The following KCNH8 variants were observed in gnomAD, a reference collection of about 807,000 sequenced individuals.
KCNH8 encodes the protein potassium voltage-gated channel subfamily H member 8.
A neutral mutation model predicts 103.6 loss-of-function variants in KCNH8; 70 were observed. The ratio of observed to expected loss-of-function variants is 0.68; its 90% CI spans 0.56 to 0.82. KCNH8 has a LOEUF of 0.82. KCNH8 is among the 40% of genes least tolerant of loss of function. The pLI, the probability that KCNH8 is intolerant of heterozygous loss-of-function variation, is 0.00. For synonymous variants in KCNH8, 498 were observed against 489.4 expected, an observed-to-expected ratio of 1.02 and a Z score of -0.23; for missense variants, 1,217 against 1,329.9, an observed-to-expected ratio of 0.92 and a Z score of 1.32.
intron 3 of KCNH8, among the ~76,000 whole-genome samples, chr3:19,298,588 A>G (rs2065024141): frequency 6.6e-6 from 1 of 152,254 alleles, no homozygotes; most frequent in South Asian, 2.1e-4. Context: ...AAGTTGCTGC[A>G]TAAAATAAAA....
At chr3:19,480,764 C>CT (rs1199953380) in intron 11 of KCNH8, among the ~76,000 whole-genome samples, 1 of 152,182 alleles carries the variant, frequency 6.6e-6, no homozygotes, top group African/African-American at 2.4e-5. Flanking sequence ...ATTTGTTTTG[C>CT]TTTTTTTGTT....
intron 1 of KCNH8, among the ~76,000 whole-genome samples, chr3:19,183,614 C>T (rs1174967043): frequency 6.6e-6 from 1 of 152,012 alleles, no homozygotes; most frequent in Non-Finnish European, 1.5e-5. Flanking sequence ...TTTACAAATG[C>T]CATTAAATTA....
At chr3:19,509,525 TGGTA>T in intron 11 of KCNH8, among the ~76,000 whole-genome samples, 1 of 152,298 alleles carries the variant, frequency 6.6e-6, no homozygotes, top group African/African-American at 2.4e-5. Flanking sequence ...TTTATAATCA[TGGTA>T]GGTGCATGTT....
chr3:19,501,504 T>A (rs1294976820), intron 11 of KCNH8, among the ~76,000 whole-genome samples: 1 of 151,950 alleles, frequency 6.6e-6, no homozygotes, highest in African/African-American at 2.4e-5. Flanking sequence ...TATCCCTGAT[T>A]AACACTGATG....
intron 11 of KCNH8, among the ~76,000 whole-genome samples, chr3:19,502,735 T>G (rs1400262534): frequency 6.7e-6 from 1 of 149,942 alleles, no homozygotes; most frequent in Non-Finnish European, 1.5e-5. Flanking sequence ...TGTAGAAAGC[T>G]GAAACTGGAT....
At chr3:19,487,750 C>T (rs940462349) in intron 11 of KCNH8, among the ~76,000 whole-genome samples, 1 of 152,172 alleles carries the variant, frequency 6.6e-6, no homozygotes, top group Non-Finnish European at 1.5e-5. Flanking sequence ...GTAACTTTAG[C>T]TGTAAAGAGC....
chr3:19,284,917 A>G, intron 3 of KCNH8, among the ~76,000 whole-genome samples: 1 of 151,022 alleles, frequency 6.6e-6, no homozygotes, highest in East Asian at 1.9e-4. Context: ...GAAAGAAAGA[A>G]AAGAAAAGAA....
At chr3:19,419,442 C>T (rs866173666) in intron 7 of KCNH8, among the ~76,000 whole-genome samples, 2 of 151,680 alleles carry the variant, frequency 1.3e-5, no homozygotes, top group African/African-American at 2.4e-5. Context: ...CCTCGTGATC[C>T]GCCCGCCTCG....
intron 2 of KCNH8, among the ~76,000 whole-genome samples, chr3:19,258,939 C>CTATATATATA (rs1157867394): frequency 5.4e-5 from 4 of 74,100 alleles, no homozygotes; most frequent in African/African-American, 1.7e-4. Flanking sequence ...CTCTCTCTCT[C>CTATATATATA]TCTCTCTCTA....
intron 2 of KCNH8, among the ~76,000 whole-genome samples, chr3:19,270,489 G>A (rs968895906): frequency 1.3e-5 from 2 of 152,126 alleles, no homozygotes; most frequent in Non-Finnish European, 2.9e-5. Flanking sequence ...GCAGGTGTCT[G>A]GTGAGTAACG....
chr3:19,477,023 T>G (rs982456985), intron 11 of KCNH8, among the ~76,000 whole-genome samples: 1 of 152,078 alleles, frequency 6.6e-6, no homozygotes, highest in East Asian at 1.9e-4. Context: ...GAAAGAAAAA[T>G]ATGGAATGCC....
At position 19,347,888 on chromosome 3, in the gene KCNH8, T is replaced by C; in HGVS notation, c.734T>C (p.Phe245Ser). 6.2e-7 allele frequency: 1 copy of C among 1,613,412 alleles called. No individual in the cohort carries two copies. The highest frequency in any genetic ancestry group is 8.5e-7 in the Non-Finnish European group (1 of 1,179,492). The change falls in exon 5 of 16, where the codon TTT becomes TCT. Residue 245 changes from phenylalanine to serine, a missense_variant. Physicochemically the swap from Phe to Ser is radical, Grantham distance 155 (BLOSUM62 -2). This residue lies in a region of KCNH8 where 415 missense variants were observed against 577.4 expected (regional missense o/e 0.72). Transcript: ENST00000328405. ...VAVTVPYNVCFIGNDDLSTTR... is the reference protein window; with the variant it reads ...VAVTVPYNVCSIGNDDLSTTR... ...GTGACTGTACCTTACAACGTTTGCT[T>C]TATTGGCAATGACGACCTGTCCACA... is the stretch of plus-strand genomic sequence containing the variant.
intron 11 of KCNH8, among the ~76,000 whole-genome samples, chr3:19,487,881 A>G (rs1002971488): frequency 2.3e-4 from 35 of 152,314 alleles, no homozygotes; most frequent in African/African-American, 7.9e-4. Flanking sequence ...ACCACCCAGC[A>G]GGTCCGTGGT....
At chr3:19,231,327 G>A (rs1045487799) in intron 1 of KCNH8, among the ~76,000 whole-genome samples, 3 of 152,144 alleles carry the variant, frequency 2.0e-5, no homozygotes, top group African/African-American at 7.2e-5. Flanking sequence ...ATTCACTAGT[G>A]TAGTGTCCTT....
chr3:19,149,515 AATAG>A (rs372430646), intron 1 of KCNH8, among the ~76,000 whole-genome samples: 19 of 152,274 alleles, frequency 1.2e-4, no homozygotes, highest in South Asian at 4.1e-4. Flanking sequence ...TAGGAAAAAA[AATAG>A]ATAGGATGTT....
At chr3:19,249,253 A>G (rs2064245960) in intron 1 of KCNH8, among the ~76,000 whole-genome samples, 1 of 152,154 alleles carries the variant, frequency 6.6e-6, no homozygotes, top group South Asian at 2.1e-4. Flanking sequence ...GGATTCCAGG[A>G]CTGGGATTCA....
chr3:19,462,553 G>C (rs2067654796), intron 11 of KCNH8, among the ~76,000 whole-genome samples: 1 of 152,078 alleles, frequency 6.6e-6, no homozygotes, highest in Non-Finnish European at 1.5e-5. Context: ...CCTTTGTCAG[G>C]TGGGTAGATG....
chr3:19,349,994 G>C (rs1425772531), intron 5 of KCNH8, among the ~76,000 whole-genome samples: 1 of 152,062 alleles, frequency 6.6e-6, no homozygotes, highest in Non-Finnish European at 1.5e-5. Context: ...AGCAGTTCTA[G>C]TGTGACTCCT....
chr3:19,271,149 G>T (rs2064582225), intron 2 of KCNH8, among the ~76,000 whole-genome samples: 1 of 151,988 alleles, frequency 6.6e-6, no homozygotes, highest in Non-Finnish European at 1.5e-5. Context: ...AACATGTGTT[G>T]AAATGCACTG....
Sources: allele counts gnomAD v4.1 joint callset (sites outside exome capture counted in the v4.1 genomes callset), GRCh38; gene constraint gnomAD v4.1.1; regional missense constraint gnomAD v4.1.1; transcripts MANE v1.5; gene names NCBI Gene and HGNC (gene_info 2026-07-23, HGNC 2026-07-21).